CDH23: variants seen among roughly 807,000 people sequenced by gnomAD.
The protein encoded by CDH23 is cadherin-23.
In CDH23, 189 loss-of-function variants were observed where a neutral mutation model predicts 317.1. The ratio of observed to expected loss-of-function variants is 0.60; its 90% CI spans 0.53 to 0.67. CDH23 has a LOEUF of 0.67. Ranked by LOEUF, CDH23 falls within the 30% of genes least tolerant of loss-of-function variation. The probability of loss-of-function intolerance (pLI) is 0.00; values close to 1 mark genes in which losing one functional copy is unlikely to be tolerated. For missense variants in CDH23, 4,401 were observed against 4,592.4 expected (o/e 0.96, Z 1.20); for synonymous variants, 1,839 against 1,876.8 (o/e 0.98, Z 0.52).
At chr10:71,807,229 T>G in intron 57 of CDH23, 48 bp from the exon 58 acceptor site, 1 of 1,600,500 alleles carries the variant, frequency 6.2e-7, no homozygotes, top group Non-Finnish European at 8.5e-7. Flanking sequence ...GACTGGAAGC[T>G]CGGGTCTTCC....
At position 71,726,556 on chromosome 10, in the gene CDH23, T is replaced by C. The variant is rs543253074; in HGVS notation, c.3579+1036T>C. Among the ~76,000 whole-genome samples the C allele has an allele frequency of 7.2e-5, 11 of 152,360 alleles. No homozygotes were observed. The East Asian group carries it at 1.3e-3, about 19-fold the overall frequency. On this transcript the variant is annotated intron_variant, in intron 30 of 69. Transcript: ENST00000224721. ...CCTTGCAACTGCCCTGAGTGAGACCTGCCCTGTGGAAATGGCTGAGAGGGT... is the reference window on the plus strand; with the variant it reads ...CCTTGCAACTGCCCTGAGTGAGACCCGCCCTGTGGAAATGGCTGAGAGGGT...
rs1864692393 is a variant in CDH23 at position 71,682,436 on chromosome 10, T to C, written c.1859-9T>C. 1.2e-6 allele frequency: 2 copies of C among 1,611,168 alleles called. No individual in the cohort carries two copies. Among genetic ancestry groups the C allele is most frequent in the South Asian group, 1.1e-5 (1 of 90,350 alleles). ...TACAGAGGGATCTGGCCTGTTCCTG[T>C]CATTGCAGTGATCAGCGTCAGTCGC... On this transcript the variant is annotated splice_polypyrimidine_tract_variant and intron_variant, in intron 17 of 69. Transcript: ENST00000224721.
At chr10:71,695,278 C>T (rs1865338984) in intron 21 of CDH23, 140 bp from the exon 22 acceptor site, 1 of 684,632 alleles carries the variant, frequency 1.5e-6, no homozygotes, top group Non-Finnish European at 2.6e-6. Flanking sequence ...CAGGCTCTGC[C>T]CAAGGCTCCC....
At chr10:71,577,797 G>A in intron 8 of CDH23, 117 bp from the exon 9 acceptor site, 3 of 805,308 alleles carry the variant, frequency 3.7e-6, no homozygotes, top group Non-Finnish European at 6.2e-6. Context: ...TCTACTTCCT[G>A]GGTTGCCCTT....
At position 71,742,222 on chromosome 10, in the gene CDH23, T is replaced by C. The variant is rs141327641; in HGVS notation, c.4845+301T>C. Among the ~76,000 whole-genome samples the C allele has an allele frequency of 3.0e-3, 459 of 152,314 alleles. 1 individual carries two copies. Among genetic ancestry groups the C allele is most frequent in the Admixed American group, 5.6e-3 (86 of 15,298 alleles). On this transcript the variant is annotated intron_variant, in intron 38 of 69. Transcript: ENST00000224721. The stretch of plus-strand genomic sequence containing the variant: ...GGGTGGTACAGGTTGAGCCTCTGTA[T>C]TGGGGCCTGGCCCAGGGAGCAAGTG...
chr10:71,649,431 G>GCC (rs1432741477), intron 14 of CDH23, among the ~76,000 whole-genome samples: 1 of 152,218 alleles, frequency 6.6e-6, no homozygotes, highest in Non-Finnish European at 1.5e-5. Flanking sequence ...TCCTGGCGTG[G>GCC]CCCTGCTTCA....
At chr10:71,543,519 T>A (rs894558533) in intron 6 of CDH23, among the ~76,000 whole-genome samples, 5 of 152,254 alleles carry the variant, frequency 3.3e-5, no homozygotes, top group Non-Finnish European at 7.3e-5. Context: ...AGTGATTTCC[T>A]GTTCACCCAG....
At chr10:71,500,064 G>A (rs979256455) in intron 3 of CDH23, among the ~76,000 whole-genome samples, 2 of 151,432 alleles carry the variant, frequency 1.3e-5, no homozygotes, top group Non-Finnish European at 2.9e-5. Context: ...GCACAATAGG[G>A]TGGCTATAGT....
chr10:71,457,655 C>T (rs972447654), intron 3 of CDH23, among the ~76,000 whole-genome samples: 4 of 152,212 alleles, frequency 2.6e-5, no homozygotes, highest in Non-Finnish European at 4.4e-5. Flanking sequence ...GGACTGGGGC[C>T]GGTGCCTGAG....
intron 45 of CDH23, among the ~76,000 whole-genome samples, 166 bp from the exon 46 acceptor site, chr10:71,790,122 C>G (rs1305720541): frequency 6.6e-6 from 1 of 152,236 alleles, no homozygotes. Flanking sequence ...TGCGTTCAGT[C>G]TGCCAAGGCT....
At chr10:71,689,080 G>A (rs1364493350) in intron 19 of CDH23, among the ~76,000 whole-genome samples, 228 of 138,632 alleles carry the variant, frequency 1.6e-3, no homozygotes, top group East Asian at 0.012. Context: ...GGTGGAGCCA[G>A]GGGTGGTGGA....
At chr10:71,678,247 T>C (rs965649901) in intron 16 of CDH23, among the ~76,000 whole-genome samples, 8 of 151,780 alleles carry the variant, frequency 5.3e-5, no homozygotes, top group Non-Finnish European at 8.8e-5. Context: ...CTGACTAGAA[T>C]CAGGAAGTGC....
intron 39 of CDH23, 21 bp downstream of exon 39, chr10:71,777,922 T>A: frequency 1.2e-6 from 2 of 1,613,146 alleles, no homozygotes; most frequent in Non-Finnish European, 1.7e-6. Context: ...GATGGCAGGA[T>A]CAAGACAAGG....
At position 71,546,362 on chromosome 10, in the gene CDH23, G is replaced by A. The variant is rs184638143; in HGVS notation, c.430-20380G>A. Among the ~76,000 whole-genome samples the A allele has an allele frequency of 1.4e-4, 21 of 152,364 alleles. No individual in the cohort carries two copies. In the East Asian group the frequency reaches 2.1e-3, roughly 15 times the overall value. On this transcript the variant is annotated intron_variant, in intron 6 of 69. Transcript: ENST00000224721. ...GTGGCTCCTCTATACCAGGCAGAGC[G>A]ATATGATGGTACCGGAGCTACTGTG...
At chr10:71,458,631 C>T (rs376087496) in intron 3 of CDH23, among the ~76,000 whole-genome samples, 31 of 152,358 alleles carry the variant, frequency 2.0e-4, no homozygotes, top group African/African-American at 6.3e-4. Context: ...CAAGTGTGGA[C>T]TGTATCACCA....
intron 38 of CDH23, chr10:71,773,538 C>G (rs1453499862): frequency 8.3e-7 from 1 of 1,207,994 alleles, no homozygotes; most frequent in African/African-American, 1.6e-5. Context: ...AGCGAGTGAG[C>G]GCTGCGGGCG....
chr10:71,468,552 C>T (rs1055229753), intron 3 of CDH23, among the ~76,000 whole-genome samples: 1 of 152,196 alleles, frequency 6.6e-6, no homozygotes, highest in Non-Finnish European at 1.5e-5. Flanking sequence ...TTGTACAGCT[C>T]CAGACAGCAT....
chr10:71,670,012 T>G (rs1864079002), intron 14 of CDH23, among the ~76,000 whole-genome samples: 1 of 151,974 alleles, frequency 6.6e-6, no homozygotes, highest in Non-Finnish European at 1.5e-5. Flanking sequence ...AAAAAAAAAT[T>G]TACTAAATAT....
At chr10:71,798,818 C>A (rs939752951) in intron 50 of CDH23, among the ~76,000 whole-genome samples, 3 of 152,128 alleles carry the variant, frequency 2.0e-5, no homozygotes, top group Non-Finnish European at 4.4e-5. Flanking sequence ...ACCACCCAAG[C>A]TCCTACTATT....
Sources: gnomAD v4.1 joint callset for allele counts (sites outside exome capture counted in the v4.1 genomes callset) on GRCh38, gnomAD v4.1.1 for gene constraint, MANE v1.5 for transcripts, NCBI Gene and HGNC (gene_info 2026-07-23, HGNC 2026-07-21) for gene names.